The following ARID4B variants were observed in gnomAD, a reference collection of about 807,000 sequenced individuals.
ARID4B encodes the protein AT-rich interactive domain-containing protein 4B.
In ARID4B, 26 loss-of-function variants were observed where a neutral mutation model predicts 147.5. The observed-to-expected ratio is 0.18, with a 90% CI of 0.13 to 0.24. The LOEUF (loss-of-function observed/expected upper bound fraction) is 0.24, where lower values mean the gene tolerates loss of function less well. Among genes scored for constraint, ARID4B ranks in the 10% least tolerant of loss-of-function variants. ARID4B has a pLI of 1.00. For missense variants in ARID4B, 1,179 were observed against 1,511.5 expected, an observed-to-expected ratio of 0.78 and a Z score of 3.65; for synonymous variants, 512 against 507.9, an observed-to-expected ratio of 1.01 and a Z score of -0.11.
At chr1:235,184,553 C>T (rs1368739733) in intron 19 of ARID4B, among the ~76,000 whole-genome samples, 6 of 152,190 alleles carry the variant, frequency 3.9e-5, no homozygotes, top group Non-Finnish European at 8.8e-5. Flanking sequence ...ACTGAGAAAT[C>T]CATGCATGTT....
In ARID4B at chr1:235,276,524, T is replaced by C. The variant is rs530351151; in HGVS notation, c.7-15772A>G. On this transcript the variant is annotated intron_variant, in intron 2 of 23. Coordinates refer to ENST00000264183, the MANE Select transcript of ARID4B (RefSeq NM_016374.6). ...AATAAAGCAAGAATACTAATTGTCA[T>C]GGTGGTGCACATCTGTAGTCCTAGC... 8.4e-4 allele frequency among the ~76,000 whole-genome samples: 128 copies of C among 152,290 alleles called. 1 individual carries two copies. In the South Asian group the frequency reaches 0.014, roughly 17 times the overall value.
intron 11 of ARID4B, among the ~76,000 whole-genome samples, chr1:235,226,394 T>C (rs997830855): frequency 6.6e-6 from 1 of 152,220 alleles, no homozygotes; most frequent in Non-Finnish European, 1.5e-5. Flanking sequence ...AGAGTCTTGC[T>C]CTGTCGCCCA....
intron 16 of ARID4B, among the ~76,000 whole-genome samples, chr1:235,215,547 A>ATATGTG (rs1553293242): frequency 1.5e-5 from 2 of 136,498 alleles, no homozygotes; most frequent in African/African-American, 5.4e-5. Flanking sequence ...ACACATATAT[A>ATATGTG]TGTGTGTGTG....
chr1:235,172,752 T>C lies in ARID4B; in HGVS notation c.3677A>G (p.Asn1226Ser), dbSNP rs1176825758. Residue 1226 changes from asparagine (N) to serine (S), a missense_variant, in exon 23 of 24, where the codon AAT (asparagine) becomes AGT (serine). Asn to Ser is a conservative substitution (Grantham distance 46). Transcript: ENST00000264183. ...TGTGATGCGTTCGGCACTTGTCATA[T>C]TTTCCAGGTCCGCTATAAATTTAAA... ...KWSFQMSDLE[N>S]MTSAERITIL... 12 of 1,556,066 alleles carry C rather than the reference T, an allele frequency of 7.7e-6. No homozygotes were observed. The highest frequency in any genetic ancestry group is 1.0e-5 in the Non-Finnish European group (12 of 1,158,728).
chr1:235,194,464 G>C (rs760624412), intron 18 of ARID4B, among the ~76,000 whole-genome samples: 22 of 152,078 alleles, frequency 1.4e-4, no homozygotes, highest in Non-Finnish European at 3.1e-4. Context: ...AGGTGATTAG[G>C]ACTAGCAAAC....
chr1:235,302,973 T>C (rs1384281559), intron 2 of ARID4B, among the ~76,000 whole-genome samples: 1 of 151,132 alleles, frequency 6.6e-6, no homozygotes, highest in Non-Finnish European at 1.5e-5. Context: ...TCGCCTAGGC[T>C]GGAGTGCAGT....
chr1:235,292,707 A>C (rs1012888389), intron 2 of ARID4B, among the ~76,000 whole-genome samples: 1 of 152,150 alleles, frequency 6.6e-6, no homozygotes, highest in African/African-American at 2.4e-5. Context: ...TGACCAAATT[A>C]AAGGTTGGGT....
intron 16 of ARID4B, among the ~76,000 whole-genome samples, chr1:235,219,115 C>A (rs1667279759): frequency 6.6e-6 from 1 of 152,022 alleles, no homozygotes; most frequent in African/African-American, 2.4e-5. Flanking sequence ...CTGCCCGCCC[C>A]GGTCTCCCAA....
At chr1:235,260,066 ATGG>A in intron 3 of ARID4B, among the ~76,000 whole-genome samples, 1 of 152,228 alleles carries the variant, frequency 6.6e-6, no homozygotes, top group South Asian at 2.1e-4. Context: ...ATTTATTAAA[ATGG>A]AAGCAATTAC....
At chr1:235,269,701 T>TAC (rs1464848981) in intron 2 of ARID4B, among the ~76,000 whole-genome samples, 1 of 152,026 alleles carries the variant, frequency 6.6e-6, no homozygotes, top group African/African-American at 2.4e-5. Flanking sequence ...TCTCTGTGTA[T>TAC]ACACACACAC....
At chr1:235,229,910 G>T (rs1668093466) in intron 10 of ARID4B, among the ~76,000 whole-genome samples, 1 of 151,774 alleles carries the variant, frequency 6.6e-6, no homozygotes, top group Non-Finnish European at 1.5e-5. Flanking sequence ...ATAATATATG[G>T]GAATAAATTA....
chr1:235,233,662 C>T (rs1396342119), intron 9 of ARID4B, among the ~76,000 whole-genome samples: 1 of 152,196 alleles, frequency 6.6e-6, no homozygotes, highest in East Asian at 1.9e-4. Context: ...TTTTAATCCT[C>T]AGACTACTGC....
At chr1:235,263,866 C>T (rs978687193) in intron 2 of ARID4B, among the ~76,000 whole-genome samples, 2 of 151,756 alleles carry the variant, frequency 1.3e-5, no homozygotes, top group Non-Finnish European at 2.9e-5. Flanking sequence ...TGGTGGCGCA[C>T]ACCTGTAGTC....
chr1:235,191,265 T>G (rs1315766814), intron 19 of ARID4B, among the ~76,000 whole-genome samples: 1 of 149,934 alleles, frequency 6.7e-6, no homozygotes, highest in Non-Finnish European at 1.5e-5. Flanking sequence ...TTATTTTTTT[T>G]AAGATGGAGT....
intron 2 of ARID4B, among the ~76,000 whole-genome samples, chr1:235,265,585 G>C (rs1670549163): frequency 6.6e-6 from 1 of 151,798 alleles, no homozygotes; most frequent in African/African-American, 2.4e-5. Flanking sequence ...TGTAGTCCTG[G>C]CTATGAGGGA....
rs1182518863 is a variant in ARID4B at position 235,186,977 on chromosome 1, T to G, written c.2126-4184A>C. 2.3e-5 allele frequency: 7 copies of G among 301,474 alleles called. No individual in the cohort carries two copies. The East Asian group carries it at 7.9e-4, about 34-fold the overall frequency. The allele number at this position is 301,474 out of a possible 1,614,324, so 18.7% of individuals were successfully genotyped here. On this transcript the variant is annotated intron_variant, in intron 19 of 23. Transcript: ENST00000264183. ...TCCCAAAGTGCTGGGATTACAGGCA[T>G]GAGCCACTGTGCCTGGCCTTTAGAT...
chr1:235,237,218 T>TAGAA (rs767738458), intron 8 of ARID4B, among the ~76,000 whole-genome samples: 1 of 152,042 alleles, frequency 6.6e-6, no homozygotes, highest in East Asian at 1.9e-4. Flanking sequence ...CCTAGTGCTT[T>TAGAA]AGAAAGAAAG....
intron 19 of ARID4B, among the ~76,000 whole-genome samples, chr1:235,187,737 GATC>G (rs3835401): frequency 6.6e-6 from 1 of 152,002 alleles, no homozygotes; most frequent in East Asian, 1.9e-4. Context: ...TTCATATGAT[GATC>G]ATTAATTAAC....
intron 20 of ARID4B, 192 bp downstream of exon 20, chr1:235,181,393 T>TTA: frequency 1.2e-6 from 1 of 817,788 alleles, no homozygotes. Flanking sequence ...CAAAGCACAT[T>TTA]AAAGCCTTCT....
Sources: gnomAD v4.1 joint callset for allele counts (sites outside exome capture counted in the v4.1 genomes callset) on GRCh38, gnomAD v4.1.1 for gene constraint, MANE v1.5 for transcripts, NCBI Gene and HGNC (gene_info 2026-07-23, HGNC 2026-07-21) for gene names.